SH3PXD2A: variants seen among roughly 807,000 people sequenced by gnomAD.
SH3PXD2A encodes the protein SH3 and PX domains 2A.
SH3PXD2A carries 32 observed loss-of-function variants against 115.2 expected under a neutral mutation model. The ratio of observed to expected loss-of-function variants is 0.28; its 90% CI spans 0.21 to 0.37. The LOEUF (loss-of-function observed/expected upper bound fraction) is 0.37, where lower values mean the gene tolerates loss of function less well. Among genes scored for constraint, SH3PXD2A ranks in the 10% least tolerant of loss-of-function variants. The probability of loss-of-function intolerance (pLI) is 1.00; values close to 1 mark genes in which losing one functional copy is unlikely to be tolerated. For synonymous variants in SH3PXD2A, 610 were observed against 629.1 expected (o/e 0.97, Z 0.45); for missense variants, 1,328 against 1,498.7 (o/e 0.89, Z 1.88).
intron 9 of SH3PXD2A, among the ~76,000 whole-genome samples, chr10:103,625,849 C>T (rs2036683375): frequency 6.6e-6 from 1 of 152,226 alleles, no homozygotes; most frequent in Non-Finnish European, 1.5e-5. Context: ...GACATTGTGC[C>T]ACTGCACTTC....
intron 6 of SH3PXD2A, chr10:103,678,283 T>C (rs572611051): frequency 1.9e-6 from 1 of 524,658 alleles, no homozygotes; most frequent in East Asian, 6.9e-5. Context: ...AGCGCTGAGA[T>C]GCCACGTAAA....
chr10:103,712,773 G>A (rs2038061225), intron 5 of SH3PXD2A, among the ~76,000 whole-genome samples: 1 of 152,218 alleles, frequency 6.6e-6, no homozygotes, highest in Non-Finnish European at 1.5e-5. Flanking sequence ...TCTGTCTGAT[G>A]AAGGGTCCCA....
Position 103,597,846 on chromosome 10 carries a change from T to C in SH3PXD2A, c.*3970A>G, listed in dbSNP as rs887705402. On this transcript the variant is annotated 3_prime_UTR_variant, in exon 15 of 15. Coordinates refer to ENST00000369774, the MANE Select transcript of SH3PXD2A (RefSeq NM_001394015.1). ...GAAGTGAGTAACCTTAAAGAAATAA[T>C]ATATTAGTTAAATACAATAACAGGA... 3 of 152,606 alleles carry C rather than the reference T, an allele frequency of 2.0e-5. No individual in the cohort carries two copies. The highest frequency in any genetic ancestry group is 2.1e-4 in the South Asian group (1 of 4,828). The allele number at this position is 152,606 out of a possible 1,614,324, so 9.5% of individuals were successfully genotyped here. A position where few individuals can be genotyped will look rare whatever the true frequency, so the allele number is the denominator to read the frequency against.
At chr10:103,626,853 CTG>C (rs1458426069) in intron 9 of SH3PXD2A, among the ~76,000 whole-genome samples, 1 of 152,098 alleles carries the variant, frequency 6.6e-6, no homozygotes, top group African/African-American at 2.4e-5. Context: ...GAGAGGCTGA[CTG>C]TGTAGGGGTC....
intron 2 of SH3PXD2A, among the ~76,000 whole-genome samples, chr10:103,788,649 T>C (rs537779893): frequency 2.2e-4 from 34 of 152,152 alleles, no homozygotes; most frequent in African/African-American, 7.7e-4. Context: ...GGCGGATCAC[T>C]TGAGGTCAGG....
intron 9 of SH3PXD2A, among the ~76,000 whole-genome samples, chr10:103,625,789 C>G (rs993903412): frequency 2.6e-5 from 4 of 152,220 alleles, no homozygotes; most frequent in Admixed American, 1.3e-4. Context: ...ACTCAGGAGG[C>G]TGAGACATGA....
At chr10:103,834,098 C>T (rs1025076903) in intron 1 of SH3PXD2A, among the ~76,000 whole-genome samples, 7 of 152,144 alleles carry the variant, frequency 4.6e-5, no homozygotes, top group African/African-American at 1.7e-4. Context: ...CCAGCTCTGG[C>T]CAGCTTTAAG....
At chr10:103,830,358 G>A (rs1475406793) in intron 1 of SH3PXD2A, among the ~76,000 whole-genome samples, 1 of 152,096 alleles carries the variant, frequency 6.6e-6, no homozygotes, top group East Asian at 1.9e-4. Flanking sequence ...TTAGGGAGAA[G>A]TGCCAATAGG....
intron 8 of SH3PXD2A, among the ~76,000 whole-genome samples, chr10:103,651,770 C>T (rs914062749): frequency 6.6e-6 from 1 of 152,234 alleles, no homozygotes; most frequent in African/African-American, 2.4e-5. Context: ...AAAATCCCCC[C>T]CTCTTAGCTA....
chr10:103,831,134 G>A (rs1227863081), intron 1 of SH3PXD2A, among the ~76,000 whole-genome samples: 1 of 152,152 alleles, frequency 6.6e-6, no homozygotes, highest in Non-Finnish European at 1.5e-5. Flanking sequence ...TTACATAAAT[G>A]GATCGATATT....
At chr10:103,636,694 G>A (rs2036871212) in intron 8 of SH3PXD2A, among the ~76,000 whole-genome samples, 1 of 152,136 alleles carries the variant, frequency 6.6e-6, no homozygotes, top group Admixed American at 6.5e-5. Flanking sequence ...CACACAATTA[G>A]GATGTTAATT....
intron 13 of SH3PXD2A, chr10:103,609,120 C>T (rs2036384176): frequency 6.8e-6 from 1 of 147,994 alleles, no homozygotes; most frequent in South Asian, 2.1e-4. Flanking sequence ...CAGACCACTG[C>T]ACTCCAGCCC....
chr10:103,661,692 G>C (rs974992567), intron 7 of SH3PXD2A: 4 of 985,194 alleles, frequency 4.1e-6, no homozygotes, highest in Non-Finnish European at 4.8e-6. Flanking sequence ...GAGAGAGCGG[G>C]AGAGAGCTTC....
At chr10:103,828,255 A>G (rs954708103) in intron 1 of SH3PXD2A, among the ~76,000 whole-genome samples, 1 of 152,202 alleles carries the variant, frequency 6.6e-6, no homozygotes, top group Non-Finnish European at 1.5e-5. Flanking sequence ...CAGCTGAAGG[A>G]ACAAGAGTCC....
chr10:103,715,117 T>A (rs1211568931), intron 5 of SH3PXD2A, among the ~76,000 whole-genome samples: 7 of 152,138 alleles, frequency 4.6e-5, no homozygotes, highest in Admixed American at 4.6e-4. Flanking sequence ...GGCTGCTCTG[T>A]ACCCAGGCCT....
At chr10:103,787,784 A>T (rs926668540) in intron 2 of SH3PXD2A, among the ~76,000 whole-genome samples, 33 of 152,196 alleles carry the variant, frequency 2.2e-4, no homozygotes, top group African/African-American at 6.5e-4. Context: ...AAAAACAAAC[A>T]AACAAAAAAA....
rs796680945 is a variant in SH3PXD2A, at chr10:103,701,666, A to G, written c.399-8610T>C. The stretch of plus-strand genomic sequence containing the variant: ...TCATCTATCCATCCATCCACCATCC[A>G]TCCATCATCCATCCATCCATCATTC... On this transcript the variant is annotated intron_variant, in intron 5 of 14. Coordinates refer to ENST00000369774, the MANE Select transcript of SH3PXD2A (RefSeq NM_001394015.1). Among the ~76,000 whole-genome samples the G allele has an allele frequency of 8.3e-5, 12 of 145,388 alleles. No individual in the cohort carries two copies. In the South Asian group the frequency reaches 1.3e-3, roughly 16 times the overall value.
chr10:103,818,633 TG>T, intron 1 of SH3PXD2A, among the ~76,000 whole-genome samples: 1 of 152,216 alleles, frequency 6.6e-6, no homozygotes, highest in Non-Finnish European at 1.5e-5. Context: ...AGCTCCTGTT[TG>T]GCCTCCAGGA....
chr10:103,646,166 C>T (rs1414831852), intron 8 of SH3PXD2A, among the ~76,000 whole-genome samples: 2 of 152,110 alleles, frequency 1.3e-5, no homozygotes, highest in Admixed American at 6.5e-5. Flanking sequence ...AACTTGAGCC[C>T]TAAATCCCCT....
Sources: gnomAD v4.1 joint callset for allele counts (sites outside exome capture counted in the v4.1 genomes callset) on GRCh38, gnomAD v4.1.1 for gene constraint, MANE v1.5 for transcripts, NCBI Gene and HGNC (gene_info 2026-07-23, HGNC 2026-07-21) for gene names.